CEP170B: variants seen among roughly 807,000 people sequenced by gnomAD.
CEP170B encodes the protein centrosomal protein 170B, also known as centrosomal protein of 170 kDa protein B.
A neutral mutation model predicts 120.6 loss-of-function variants in CEP170B; 55 were observed. That is an observed-to-expected ratio of 0.46 (90% CI 0.37 to 0.57). The LOEUF (loss-of-function observed/expected upper bound fraction) is 0.57, where lower values mean the gene tolerates loss of function less well. Among genes scored for constraint, CEP170B ranks in the 20% least tolerant of loss-of-function variants. The pLI, the probability that CEP170B is intolerant of heterozygous loss-of-function variation, is 0.00. For synonymous variants in CEP170B, 1,033 were observed against 954.5 expected (o/e 1.08, Z -1.52); for missense variants, 2,212 against 2,253.3 (o/e 0.98, Z 0.37).
chr14:104,877,833 G>GCCCCCCCCCCCCCCCCCCCCCCCC, intron 3 of CEP170B, 52 bp from the exon 4 acceptor site: 7 of 359,746 alleles, frequency 1.9e-5, no homozygotes, highest in South Asian at 3.5e-5. Context: ...CCTGCCCACA[G>GCCCCCCCCCCCCCCCCCCCCCCCC]CCACCCACCC....
At chr14:104,879,946 G>T (rs74092541) in intron 5 of CEP170B, among the ~76,000 whole-genome samples, 9,161 of 152,172 alleles carry the variant, frequency 0.06, 813 homozygotes, top group African/African-American at 0.19. Context: ...CCTGCAAGGG[G>T]CAGGGCCTAA....
rs112758923 is a variant in CEP170B, at chr14:104,870,517, G to A, written c.105+1962G>A. ...GTGGCTAGGAGGGCTTCTTGGAGGC[G>A]GCGGCACTTTGGAGCCTCTGGAAGA... On this transcript the variant is annotated intron_variant, in intron 2 of 18. Transcript: ENST00000414716. This position sits in a 1 kb window ranked among gnomAD's most constrained non-coding sequence, Gnocchi z 4.1. 5.9e-5 allele frequency among the ~76,000 whole-genome samples: 9 copies of A among 152,262 alleles called. No homozygotes were observed. The highest frequency in any genetic ancestry group is 1.9e-4 in the African/African-American group (8 of 41,536).
Position 104,884,975 on chromosome 14 carries a change from C to T in CEP170B, c.1771-394C>T, listed in dbSNP as rs1250054876. Among the ~76,000 whole-genome samples the T allele has an allele frequency of 9.0e-5, 10 of 110,676 alleles. No homozygotes were observed. The East Asian group carries it at 2.9e-3, about 32-fold the overall frequency. The allele number at this position is 110,676 out of a possible 152,430, so 72.6% of individuals were successfully genotyped here. ...GGGGTGGAGGCGATGCCGGGGGTGG[C>T]GAGTGAGAGCCCTCGTGGGGAATCG... On this transcript the variant is annotated intron_variant, in intron 9 of 18. Coordinates refer to ENST00000414716, the MANE Select transcript of CEP170B (RefSeq NM_001112726.3).
intron 5 of CEP170B, 59 bp downstream of exon 5, chr14:104,878,560 C>T (rs1595330099): frequency 2.6e-6 from 4 of 1,551,056 alleles, no homozygotes; most frequent in Non-Finnish European, 3.5e-6. Flanking sequence ...CCATCCTCCC[C>T]ACCATGCTCC....
chr14:104,872,421 T>TGTGCGTGTGTGC (rs1895599165), intron 2 of CEP170B, among the ~76,000 whole-genome samples: 1 of 111,740 alleles, frequency 8.9e-6, no homozygotes, highest in Non-Finnish European at 1.9e-5. Flanking sequence ...GCCGTGGGTG[T>TGTGCGTGTGTGC]GCCGTGCGTG....
Position 104,886,405 on chromosome 14 carries a change from G to A in CEP170B, c.2166G>A (p.Gly722=). ...GCCCAGAGAGCAGCAGGAGGAGTGG[G>A]CCTGGGCCACCGGAGCTGGACAGTG... ...PAGPESSRRS[G]PGPPELDSEQ... is the part of the protein sequence containing the mutation. Residue 722 remains glycine, a synonymous_variant, in exon 12 of 19, where the codon GGG becomes GGA. Transcript: ENST00000414716. 6.3e-7 allele frequency: 1 copy of A among 1,581,752 alleles called. No homozygotes were observed. Among genetic ancestry groups the A allele is most frequent in the Non-Finnish European group, 8.6e-7 (1 of 1,165,440 alleles).
chr14:104,872,176 CGT>C (rs1383889305), intron 2 of CEP170B, among the ~76,000 whole-genome samples: 13 of 129,872 alleles, frequency 1.0e-4, no homozygotes, highest in Admixed American at 1.6e-4. Flanking sequence ...CGTGTGTGTG[CGT>C]GTGTGTGCTG....
Position 104,887,360 on chromosome 14 carries a change from C to G in CEP170B, c.3121C>G (p.Leu1041Val). ...IRRGHRPRGS[L>V]DWPSEERGPV... ...GCGTGGCCACAGGCCCCGAGGGTCC[C>G]TGGATTGGCCCAGTGAGGAGCGTGG... is the stretch of plus-strand genomic sequence containing the variant. The change falls in exon 12 of 19, where the codon CTG becomes GTG. Residue 1041 changes from leucine to valine, a missense_variant. This residue lies in a region of CEP170B where 2,166 missense variants were observed against 2,166.7 expected (regional missense o/e 1.00). Transcript: ENST00000414716. The G allele has an allele frequency of 6.2e-7, 1 of 1,611,996 alleles. No individual in the cohort carries two copies. The highest frequency in any genetic ancestry group is 8.5e-7 in the Non-Finnish European group (1 of 1,179,614).
At position 104,887,040 on chromosome 14, in the gene CEP170B, A is replaced by T; in HGVS notation, c.2801A>T (p.Asp934Val). The change falls in exon 12 of 19, where the codon GAT (aspartate) becomes GTT (valine). Residue 934 changes from aspartate to valine, a missense_variant. Physicochemically the swap from Asp to Val is radical, Grantham distance 152 (BLOSUM62 -3). Coordinates refer to ENST00000414716, the MANE Select transcript of CEP170B (RefSeq NM_001112726.3). ...GCCCGACTCCTCTCTAATTCTGTGG[A>T]TGCCGAGTGTGAGGGGGGCAGCACC... ...LEARLLSNSV[D>V]AECEGGSTPR... The T allele has an allele frequency of 1.9e-6, 3 of 1,611,316 alleles. No homozygotes were observed. Among genetic ancestry groups the T allele is most frequent in the Non-Finnish European group, 2.5e-6 (3 of 1,179,800 alleles).
In CEP170B at chr14:104,887,316, T is replaced by C. The variant is rs1896577304; in HGVS notation, c.3077T>C (p.Val1026Ala). 1 of 1,610,498 alleles carries C rather than the reference T, an allele frequency of 6.2e-7. No homozygotes were observed. The highest frequency in any genetic ancestry group is 1.7e-5 in the Admixed American group (1 of 59,796). ...GPTDMGRGEP[V>A]RRSAIRRGHR... is the part of the protein sequence containing the mutation. ...ACGGACATGGGCCGTGGAGAGCCGG[T>C]ACGGCGCTCAGCCATAAGGCGTGGC... The change falls in exon 12 of 19, where the codon GTA becomes GCA. Residue 1026 changes from valine to alanine, a missense_variant. By Grantham distance (64) the Val-to-Ala change is moderately conservative. This residue lies in a region of CEP170B where 2,166 missense variants were observed against 2,166.7 expected (regional missense o/e 1.00). Coordinates refer to ENST00000414716, the MANE Select transcript of CEP170B (RefSeq NM_001112726.3).
intron 4 of CEP170B, 85 bp downstream of exon 4, chr14:104,878,048 T>C: frequency 4.4e-6 from 5 of 1,140,614 alleles, no homozygotes; most frequent in Non-Finnish European, 6.4e-6. Flanking sequence ...GAAGCAGGGC[T>C]GTCACTGCTG....
chr14:104,889,612 C>G lies in CEP170B; in HGVS notation c.3740-8C>G. 5.6e-6 allele frequency: 9 copies of G among 1,610,286 alleles called. No individual in the cohort carries two copies. Among genetic ancestry groups the G allele is most frequent in the Non-Finnish European group, 7.6e-6 (9 of 1,179,748 alleles). On this transcript the variant is annotated splice_polypyrimidine_tract_variant and splice_region_variant and intron_variant, in intron 12 of 18. Transcript: ENST00000414716. ...CCCCCAAACACACACGCTCCCACAC[C>G]TCAACAGCCACTCAGACCCCGAGGG...
At chr14:104,888,602 C>A (rs776999113) in intron 12 of CEP170B, among the ~76,000 whole-genome samples, 2 of 152,216 alleles carry the variant, frequency 1.3e-5, no homozygotes, top group African/African-American at 4.8e-5. Flanking sequence ...CTGGGGTGGC[C>A]GGACATCCGC....
chr14:104,887,562 C>A lies in CEP170B; in HGVS notation c.3323C>A (p.Ala1108Asp). 1.2e-6 allele frequency: 2 copies of A among 1,601,752 alleles called. No homozygotes were observed. Among genetic ancestry groups the A allele is most frequent in the Admixed American group, 3.4e-5 (2 of 58,734 alleles). ...SSASSQKGPQALTRSNSLSTP... is the reference protein window; with the variant it reads ...SSASSQKGPQDLTRSNSLSTP... ...GCCAGCTCCCAGAAGGGGCCGCAGG[C>A]CTTGACCCGCTCCAACAGCCTGTCC... The change falls in exon 12 of 19, where the codon GCC becomes GAC. Residue 1108 changes from alanine to aspartate, a missense_variant. Coordinates refer to ENST00000414716, the MANE Select transcript of CEP170B (RefSeq NM_001112726.3).
At chr14:104,888,981 G>A (rs1376566882) in intron 12 of CEP170B, among the ~76,000 whole-genome samples, 7 of 152,366 alleles carry the variant, frequency 4.6e-5, no homozygotes, top group Non-Finnish European at 7.4e-5. Flanking sequence ...GTGCAGGAGC[G>A]CAGCTGCTGC....
At chr14:104,864,628 C>T (rs926080400), upstream of CEP170B, among the ~76,000 whole-genome samples, 4 of 151,860 alleles carry the variant, frequency 2.6e-5, no homozygotes, top group Non-Finnish European at 5.9e-5. This position sits in a 1 kb window ranked among gnomAD's most constrained non-coding sequence, Gnocchi z 5.9. Context: ...CCACTGTGGG[C>T]GTCCAGGTAA....
rs1895167661 is a variant in CEP170B at position 104,865,708 on chromosome 14, AG to A, written c.-28+197del. On this transcript the variant is annotated intron_variant, in intron 1 of 18. Transcript: ENST00000414716. This position sits in a 1 kb window ranked among gnomAD's most constrained non-coding sequence, Gnocchi z 6.7. ...CGGCCCTGGTCTGCGCCAGGCCGGG[AG>A]GAGCCGCCCCGTTTCTACGCGGCCT... Among the ~76,000 whole-genome samples, 1 of 151,600 alleles carries A rather than the reference AG, an allele frequency of 6.6e-6. No homozygotes were observed. The highest frequency in any genetic ancestry group is 2.4e-5 in the African/African-American group (1 of 41,282).
rs1446330230 is a variant in CEP170B at position 104,887,605 on chromosome 14, G to A, written c.3366G>A (p.Arg1122=). Residue 1122 remains arginine (R), a synonymous_variant, in exon 12 of 19, where the codon CGG becomes CGA. Coordinates refer to ENST00000414716, the MANE Select transcript of CEP170B (RefSeq NM_001112726.3). Reference sequence around the variant, plus strand: ...GCCTGTCCACCCCTCGCCCCACACGGGCCTCCCGGCTGAGGCGGGCCCGGC... The same window carrying A: ...GCCTGTCCACCCCTCGCCCCACACGAGCCTCCCGGCTGAGGCGGGCCCGGC... ...SNSLSTPRPT[R]ASRLRRARLG... 1 of 1,583,606 alleles carries A rather than the reference G, an allele frequency of 6.3e-7. No individual in the cohort carries two copies. Among genetic ancestry groups the A allele is most frequent in the East Asian group, 2.3e-5 (1 of 43,640 alleles).
chr14:104,868,960 G>C lies in CEP170B; in HGVS notation c.105+405G>C, dbSNP rs1313428207. On this transcript the variant is annotated intron_variant, in intron 2 of 18. Transcript: ENST00000414716. The surrounding 1 kb of genome is among the most constrained non-coding windows in gnomAD (Gnocchi z 5.9). The stretch of plus-strand genomic sequence containing the variant: ...CTTGTTGTCTGGGGGCCCCGTCTAT[G>C]CTGTGAGTGCTGCCTGAGCGGGGGT... Among the ~76,000 whole-genome samples the C allele has an allele frequency of 1.3e-5, 2 of 152,178 alleles. No individual in the cohort carries two copies. The highest frequency in any genetic ancestry group is 4.8e-5 in the African/African-American group (2 of 41,456).
Sources: allele counts gnomAD v4.1 joint callset (sites outside exome capture counted in the v4.1 genomes callset), GRCh38; gene constraint gnomAD v4.1.1; regional missense constraint gnomAD v4.1.1; non-coding constraint Gnocchi (gnomAD v3.1); transcripts MANE v1.5; gene names NCBI Gene and HGNC (gene_info 2026-07-23, HGNC 2026-07-21).